Variants in ZNF385D observed in about 807,000 individuals in gnomAD.
The protein encoded by ZNF385D is zinc finger protein 385D, also known as zinc finger protein 659.
Under a neutral mutation model 35.8 loss-of-function variants are expected in ZNF385D, and 15 were observed. That is an observed-to-expected ratio of 0.42 (90% CI 0.28 to 0.64). ZNF385D has a LOEUF of 0.64. Among genes scored for constraint, ZNF385D ranks in the 30% least tolerant of loss-of-function variants. The pLI is 0.23. For missense variants in ZNF385D, 474 were observed against 494.6 expected, an observed-to-expected ratio of 0.96 and a Z score of 0.39; for synonymous variants, 212 against 186.8, an observed-to-expected ratio of 1.13 and a Z score of -1.10.
At chr3:22,300,479 G>T (rs1189491274) in intron 2 of ZNF385D, among the ~76,000 whole-genome samples, 1 of 151,208 alleles carries the variant, frequency 6.6e-6, no homozygotes, top group East Asian at 1.9e-4. Flanking sequence ...ACAGCAAAGA[G>T]AACAATCAAC....
intron 3 of ZNF385D, among the ~76,000 whole-genome samples, chr3:21,879,013 C>A (rs1698130058): frequency 6.6e-6 from 1 of 151,960 alleles, no homozygotes; most frequent in Admixed American, 6.6e-5. Context: ...CAGTAGTTCT[C>A]TTGTGATACA....
intron 3 of ZNF385D, among the ~76,000 whole-genome samples, chr3:22,077,736 A>C (rs79468757): frequency 0.032 from 4,858 of 152,122 alleles, 178 homozygotes; most frequent in East Asian, 0.12. Context: ...AGCTGCCTAC[A>C]TAATTTCTAC....
chr3:21,941,967 T>C (rs1701544378), intron 3 of ZNF385D, among the ~76,000 whole-genome samples: 3 of 152,214 alleles, frequency 2.0e-5, no homozygotes, highest in Admixed American at 1.3e-4. Flanking sequence ...TTAGGTTATA[T>C]ACAATTATTC....
chr3:22,061,989 C>T (rs1699710971), intron 3 of ZNF385D, among the ~76,000 whole-genome samples: 1 of 152,176 alleles, frequency 6.6e-6, no homozygotes, highest in Non-Finnish European at 1.5e-5. Context: ...TCACTGAATA[C>T]ATTAGTAAAT....
intron 2 of ZNF385D, among the ~76,000 whole-genome samples, chr3:21,655,896 T>C (rs1224431607): frequency 6.6e-6 from 1 of 152,060 alleles, no homozygotes; most frequent in Non-Finnish European, 1.5e-5. Flanking sequence ...GCAAGGCTCT[T>C]ATGAAATTAG....
chr3:21,977,088 T>C (rs1703675910), intron 3 of ZNF385D, among the ~76,000 whole-genome samples: 1 of 152,148 alleles, frequency 6.6e-6, no homozygotes, highest in Admixed American at 6.6e-5. Flanking sequence ...AAAGAGTACG[T>C]GTTGCATGAT....
intron 3 of ZNF385D, among the ~76,000 whole-genome samples, chr3:22,073,751 G>A (rs576854050): frequency 6.6e-6 from 1 of 151,918 alleles, no homozygotes; most frequent in South Asian, 2.1e-4. Context: ...TTGCTGAATT[G>A]AAGAATACAT....
chr3:21,672,815 A>G (rs1196971225), intron 1 of ZNF385D, among the ~76,000 whole-genome samples: 1 of 152,144 alleles, frequency 6.6e-6, no homozygotes, highest in Non-Finnish European at 1.5e-5. Flanking sequence ...CCAGTTGCCA[A>G]TATCCTGAAT....
At chr3:21,454,832 A>G (rs1308694522) in intron 4 of ZNF385D, among the ~76,000 whole-genome samples, 1 of 152,200 alleles carries the variant, frequency 6.6e-6, no homozygotes, top group Non-Finnish European at 1.5e-5. Flanking sequence ...TTGTATATCT[A>G]GAAAACCCCA....
At chr3:22,297,601 A>T (rs1050303848) in intron 2 of ZNF385D, among the ~76,000 whole-genome samples, 2 of 152,090 alleles carry the variant, frequency 1.3e-5, no homozygotes, top group Non-Finnish European at 2.9e-5. Context: ...TGGGGGAATG[A>T]AATAGTTGTC....
intron 3 of ZNF385D, among the ~76,000 whole-genome samples, chr3:22,013,736 G>C (rs1034868883): frequency 3.9e-5 from 6 of 152,120 alleles, no homozygotes; most frequent in African/African-American, 1.2e-4. Context: ...AAGCAGGTGA[G>C]AGGGCTGAAG....
At chr3:21,970,860 G>T (rs1233547878) in intron 3 of ZNF385D, among the ~76,000 whole-genome samples, 1 of 152,086 alleles carries the variant, frequency 6.6e-6, no homozygotes, top group Non-Finnish European at 1.5e-5. Context: ...CAATAAGTCT[G>T]GCAGCAGAAT....
At chr3:22,343,421 C>G (rs376944119) in intron 2 of ZNF385D, among the ~76,000 whole-genome samples, 2 of 152,328 alleles carry the variant, frequency 1.3e-5, no homozygotes, top group African/African-American at 4.8e-5. Context: ...CCAGAGACCC[C>G]TACTGAGGAC....
chr3:21,753,929 A>T (rs1335741412), upstream of ZNF385D, among the ~76,000 whole-genome samples: 1 of 152,104 alleles, frequency 6.6e-6, no homozygotes, highest in African/African-American at 2.4e-5. Flanking sequence ...AAGTGAAATC[A>T]TTGGGTATTT....
intron 2 of ZNF385D, among the ~76,000 whole-genome samples, chr3:22,238,356 T>C (rs927827959): frequency 4.0e-5 from 6 of 151,256 alleles, no homozygotes; most frequent in South Asian, 4.3e-4. Flanking sequence ...AAGAACATAG[T>C]TGGGACTTTG....
At chr3:21,844,946 T>C (rs1031150754) in intron 3 of ZNF385D, among the ~76,000 whole-genome samples, 1 of 151,948 alleles carries the variant, frequency 6.6e-6, no homozygotes, top group Non-Finnish European at 1.5e-5. Flanking sequence ...TACAGAGCTA[T>C]TGTTTTTCTA....
chr3:21,582,474 T>C (rs923995345), intron 2 of ZNF385D, among the ~76,000 whole-genome samples: 4 of 152,198 alleles, frequency 2.6e-5, no homozygotes, highest in African/African-American at 9.7e-5. Flanking sequence ...TTTTTTTCTC[T>C]ACTCTGCCTA....
rs562295001 is a variant in ZNF385D, at chr3:21,715,840, C to T, written c.22+35055G>A. ...TAGTCTAGACTTCTCCCCTAGACTT[C>T]GGACTCCATATATCTAATTGCCTAC... On this transcript the variant is annotated intron_variant, in intron 1 of 7. Coordinates refer to ENST00000281523, the MANE Select transcript of ZNF385D (RefSeq NM_024697.3). 2.1e-3 allele frequency among the ~76,000 whole-genome samples: 327 copies of T among 152,228 alleles called. 2 individuals are homozygous for T. The highest frequency in any genetic ancestry group is 0.012 in the South Asian group (59 of 4,820).
intron 2 of ZNF385D, among the ~76,000 whole-genome samples, chr3:22,286,302 A>G (rs529375831): frequency 8.5e-5 from 13 of 152,240 alleles, no homozygotes; most frequent in African/African-American, 3.1e-4. Flanking sequence ...GTTTTTTCTT[A>G]GTCTATGTAA....
Sources: allele counts gnomAD v4.1 joint callset (sites outside exome capture counted in the v4.1 genomes callset), GRCh38; gene constraint gnomAD v4.1.1; transcripts MANE v1.5; gene names NCBI Gene and HGNC (gene_info 2026-07-23, HGNC 2026-07-21).